CCDC178: variants seen among roughly 807,000 people sequenced by gnomAD.
The protein encoded by CCDC178 is coiled-coil domain containing 178.
A neutral mutation model predicts 117.4 loss-of-function variants in CCDC178; 126 were observed. The ratio of observed to expected loss-of-function variants is 1.07; its 90% CI spans 0.93 to 1.24. CCDC178 has a LOEUF of 1.24. Among genes scored for constraint, CCDC178 ranks in the 50% most tolerant of loss-of-function variants. The pLI, the probability that CCDC178 is intolerant of heterozygous loss-of-function variation, is 0.00. For missense variants in CCDC178, 1,030 were observed against 986.9 expected (o/e 1.04, Z -0.59); for synonymous variants, 283 against 313.4 (o/e 0.90, Z 1.02).
intron 20 of CCDC178, among the ~76,000 whole-genome samples, chr18:33,157,958 T>C (rs2058420822): frequency 1.3e-5 from 2 of 152,134 alleles, no homozygotes; most frequent in African/African-American, 4.8e-5. Context: ...AACGTAGGTG[T>C]AACTTTTTCT....
intron 9 of CCDC178, among the ~76,000 whole-genome samples, chr18:33,344,608 T>C (rs1218283298): frequency 6.9e-6 from 1 of 144,008 alleles, no homozygotes; most frequent in Non-Finnish European, 1.5e-5. Context: ...ATATGTAAAT[T>C]TATCAGCAAA....
chr18:33,011,214 C>T (rs1318480993), intron 21 of CCDC178, among the ~76,000 whole-genome samples: 1 of 152,090 alleles, frequency 6.6e-6, no homozygotes. Context: ...TTATAAATAG[C>T]ACTTGTATAC....
Position 33,323,498 on chromosome 18 carries a change from C to T in CCDC178, c.1015G>A (p.Ala339Thr), listed in dbSNP as rs983599814. Reference sequence around the variant, plus strand: ...TTTGCGAAAAATTCTTACTTGTAGGCCTCTATGGTTTTTTCATCCTGGTAA... The same window carrying T: ...TTTGCGAAAAATTCTTACTTGTAGGTCTCTATGGTTTTTTCATCCTGGTAA... ...DIYQDEKTIEAYKREIYQLNS... is the reference protein window; with the variant it reads ...DIYQDEKTIETYKREIYQLNS... Residue 339 changes from alanine (A) to threonine (T), a missense_variant, in exon 11 of 23, where the codon GCC becomes ACC. Ala to Thr is a moderately conservative substitution (Grantham distance 58). Transcript: ENST00000383096. The T allele has an allele frequency of 5.9e-6, 9 of 1,514,764 alleles. No individual in the cohort carries two copies. In the African/African-American group the frequency reaches 1.0e-4, roughly 17 times the overall value. The allele number at this position is 1,514,764 out of a possible 1,614,324, so 93.8% of individuals were successfully genotyped here. A position where few individuals can be genotyped will look rare whatever the true frequency, so the allele number is the denominator to read the frequency against.
intron 21 of CCDC178, among the ~76,000 whole-genome samples, chr18:32,978,972 G>A (rs1456447911): frequency 6.6e-6 from 1 of 151,490 alleles, no homozygotes; most frequent in Admixed American, 6.6e-5. Flanking sequence ...GGGAGGCGGA[G>A]GTTGCAGTGA....
intron 2 of CCDC178, among the ~76,000 whole-genome samples, chr18:33,418,883 T>A (rs1023722763): frequency 2.6e-5 from 4 of 152,270 alleles, no homozygotes; most frequent in Admixed American, 2.6e-4. Context: ...ATTTGAAGAA[T>A]CAATATTGTT....
intron 6 of CCDC178, among the ~76,000 whole-genome samples, chr18:33,367,569 T>C (rs1165964568): frequency 6.6e-6 from 1 of 151,998 alleles, no homozygotes; most frequent in African/African-American, 2.4e-5. Context: ...CATGTGATAA[T>C]GGGAAGATTT....
intron 20 of CCDC178, among the ~76,000 whole-genome samples, chr18:33,101,652 T>G (rs1211242185): frequency 4.0e-5 from 6 of 151,880 alleles, no homozygotes; most frequent in Non-Finnish European, 8.8e-5. Context: ...TAAAAGGTCA[T>G]CAGCAAAAAC....
intron 21 of CCDC178, among the ~76,000 whole-genome samples, chr18:32,984,247 T>C (rs2055214910): frequency 1.3e-5 from 2 of 151,950 alleles, no homozygotes; most frequent in East Asian, 3.9e-4. Context: ...TGCATTTGGA[T>C]CTCTGCTAAT....
At chr18:33,407,585 G>T (rs897631531) in intron 3 of CCDC178, among the ~76,000 whole-genome samples, 1 of 151,820 alleles carries the variant, frequency 6.6e-6, no homozygotes, top group Admixed American at 6.6e-5. Context: ...AACAAAAACA[G>T]TATTATGAAT....
intron 15 of CCDC178, among the ~76,000 whole-genome samples, chr18:33,229,004 G>T (rs1232253995): frequency 6.6e-6 from 1 of 152,114 alleles, no homozygotes; most frequent in Non-Finnish European, 1.5e-5. Context: ...TGAGAGAGGG[G>T]ATTTATTTGT....
At position 33,055,877 on chromosome 18, in the gene CCDC178, TCC is replaced by T. The variant is rs200675769; in HGVS notation, c.2388+36882_2388+36883del. Among the ~76,000 whole-genome samples the T allele has an allele frequency of 3.3e-5, 5 of 151,826 alleles. No individual in the cohort carries two copies. The East Asian group carries it at 9.7e-4, about 29-fold the overall frequency. On this transcript the variant is annotated intron_variant, in intron 21 of 22. Coordinates refer to ENST00000383096, the MANE Select transcript of CCDC178 (RefSeq NM_001105528.4). ...CGGAGTGCAGTGGCACCATGTTGGCTCCCTGCAACCTCCACCTCTGGGTTCAA... is the reference window on the plus strand; with the variant it reads ...CGGAGTGCAGTGGCACCATGTTGGCTCTGCAACCTCCACCTCTGGGTTCAA...
At chr18:33,017,588 A>G (rs1204698396) in intron 21 of CCDC178, among the ~76,000 whole-genome samples, 2 of 151,978 alleles carry the variant, frequency 1.3e-5, no homozygotes, top group East Asian at 3.8e-4. Flanking sequence ...ATTGAGAAGT[A>G]TATTCTAAAA....
intron 21 of CCDC178, among the ~76,000 whole-genome samples, chr18:32,975,020 T>A (rs1028253024): frequency 6.6e-6 from 1 of 152,176 alleles, no homozygotes; most frequent in South Asian, 2.1e-4. Context: ...CCTTGGGACA[T>A]ATTGAACCTT....
chr18:33,132,854 AATG>A (rs1166586721), intron 20 of CCDC178, among the ~76,000 whole-genome samples: 2 of 151,802 alleles, frequency 1.3e-5, no homozygotes, highest in Non-Finnish European at 3.0e-5. Flanking sequence ...TGTAATTTAT[AATG>A]ATGATGTAAT....
In CCDC178 at chr18:33,369,978, T is replaced by A. The variant is rs537553602; in HGVS notation, c.348+72A>T. 7.9e-5 allele frequency: 101 copies of A among 1,274,860 alleles called. No individual in the cohort carries two copies. The South Asian group carries it at 1.7e-3, about 22-fold the overall frequency. 79.0% of individuals were successfully genotyped at this position (1,274,860 alleles called of 1,614,324 possible). The stretch of plus-strand genomic sequence containing the variant: ...TTAAAAAGTCCAGAGTTTCCTGGGT[T>A]CTTTAAATAACCAATCCTTAGAGGG... On this transcript the variant is annotated intron_variant, in intron 6 of 22. Transcript: ENST00000383096.
intron 10 of CCDC178, among the ~76,000 whole-genome samples, chr18:33,329,486 GT>G (rs1182599816): frequency 3.9e-5 from 6 of 152,040 alleles, no homozygotes; most frequent in Non-Finnish European, 7.4e-5. Flanking sequence ...TTTGTTGAGG[GT>G]TTTTATCATG....
At chr18:33,159,346 G>A (rs539599967) in intron 20 of CCDC178, among the ~76,000 whole-genome samples, 32 of 152,222 alleles carry the variant, frequency 2.1e-4, no homozygotes, top group African/African-American at 7.2e-4. Flanking sequence ...TGATTTTGCT[G>A]ATGCAGCTGT....
intron 20 of CCDC178, among the ~76,000 whole-genome samples, chr18:33,167,757 C>T (rs940918823): frequency 1.3e-5 from 2 of 151,966 alleles, no homozygotes; most frequent in African/African-American, 4.8e-5. Flanking sequence ...ATCACAGCTA[C>T]TTGAGAGGCT....
intron 2 of CCDC178, among the ~76,000 whole-genome samples, chr18:33,431,564 T>C (rs2064220556): frequency 6.6e-6 from 1 of 152,148 alleles, no homozygotes; most frequent in African/African-American, 2.4e-5. Context: ...AATAAATACA[T>C]AGCTATTATA....
Sources: gnomAD v4.1 joint callset for allele counts (sites outside exome capture counted in the v4.1 genomes callset) on GRCh38, gnomAD v4.1.1 for gene constraint, MANE v1.5 for transcripts, NCBI Gene and HGNC (gene_info 2026-07-23, HGNC 2026-07-21) for gene names.